The following PIAS3 variants were observed in gnomAD, a reference collection of about 807,000 sequenced individuals.
PIAS3 encodes the protein protein inhibitor of activated STAT 3, also known as E3 SUMO-protein ligase PIAS3.
Under a neutral mutation model 67.6 loss-of-function variants are expected in PIAS3, and 34 were observed. The ratio of observed to expected loss-of-function variants is 0.50; its 90% CI spans 0.38 to 0.67. The LOEUF is 0.67. Among genes scored for constraint, PIAS3 ranks in the 30% least tolerant of loss-of-function variants. PIAS3 has a pLI of 0.00. For missense variants in PIAS3, 693 were observed against 791.6 expected (o/e 0.88, Z 1.49); for synonymous variants, 341 against 313.8 (o/e 1.09, Z -0.92).
intron 3 of PIAS3, 23 bp downstream of exon 3, chr1:145,856,324 C>T: frequency 6.3e-7 from 1 of 1,592,188 alleles, no homozygotes; most frequent in African/African-American, 1.3e-5. Context: ...AGGGATGAGG[C>T]AGGAAGACTG....
chr1:145,851,959 CAAAAAAAAA>C (rs782076715), intron 9 of PIAS3, among the ~76,000 whole-genome samples: 13 of 58,744 alleles, frequency 2.2e-4, no homozygotes, highest in African/African-American at 6.9e-4. Flanking sequence ...AACACCGTCT[CAAAAAAAAA>C]AAAAAAAAAA....
At chr1:145,854,344 G>T (rs977924515) in intron 7 of PIAS3, 114 bp downstream of exon 7, 3 of 732,526 alleles carry the variant, frequency 4.1e-6, no homozygotes, top group Non-Finnish European at 7.2e-6. Flanking sequence ...TGGGGTTCAT[G>T]TGAGAAGGGG....
At position 145,857,037 on chromosome 1, in the gene PIAS3, C is replaced by G; in HGVS notation, c.25-31G>C. 1.9e-6 allele frequency: 3 copies of G among 1,603,822 alleles called. No individual in the cohort carries two copies. In the South Asian group the frequency reaches 3.3e-5, roughly 18 times the overall value. ...GAGAAAAACAGAGAAGCTTGAGCATCCTCCCTTGCACAGGCCTGCCCTGCC... is the reference window on the plus strand; with the variant it reads ...GAGAAAAACAGAGAAGCTTGAGCATGCTCCCTTGCACAGGCCTGCCCTGCC... On this transcript the variant is annotated intron_variant, in intron 1 of 13. Transcript: ENST00000393045.
chr1:145,856,244 CAAGT>C (rs1174410614), intron 3 of PIAS3, 99 bp downstream of exon 3: 1 of 1,248,544 alleles, frequency 8.0e-7, no homozygotes, highest in African/African-American at 1.5e-5. Context: ...GAACAAGAGA[CAAGT>C]AGGTATAGGA....
chr1:145,849,779 T>G, intron 13 of PIAS3, 67 bp from the exon 14 acceptor site: 3 of 1,511,958 alleles, frequency 2.0e-6, no homozygotes, highest in Non-Finnish European at 2.7e-6. Context: ...GTCACTCATC[T>G]CAGAAATGCC....
Position 145,856,441 on chromosome 1 carries a change from C to T in PIAS3, c.443-10G>A. 6.2e-7 allele frequency: 1 copy of T among 1,613,714 alleles called. No individual in the cohort carries two copies. The highest frequency in any genetic ancestry group is 1.1e-5 in the South Asian group (1 of 91,072). On this transcript the variant is annotated splice_polypyrimidine_tract_variant and intron_variant, in intron 2 of 13. Coordinates refer to ENST00000393045, the MANE Select transcript of PIAS3 (RefSeq NM_006099.3). ...TGGCTAGAAGTGGATGCTGAGGATA[C>T]AAAGGGGCAGTTATTCCAAGCCCAT...
At position 145,849,301 on chromosome 1, in the gene PIAS3, G is replaced by T; in HGVS notation, c.*145C>A. Reference sequence around the variant, plus strand: ...CTTTGGGTGCTGGCCTTGTCAGGCAGAGATGAGGCCAAAAGTAGGCATCTG... The same window carrying T: ...CTTTGGGTGCTGGCCTTGTCAGGCATAGATGAGGCCAAAAGTAGGCATCTG... On this transcript the variant is annotated 3_prime_UTR_variant, in exon 14 of 14. Coordinates refer to ENST00000393045, the MANE Select transcript of PIAS3 (RefSeq NM_006099.3). 1.4e-6 allele frequency: 1 copy of T among 727,464 alleles called. No individual in the cohort carries two copies. 45.1% of individuals were successfully genotyped at this position (727,464 alleles called of 1,614,324 possible). A position where few individuals can be genotyped will look rare whatever the true frequency, so the allele number is the denominator to read the frequency against.
chr1:145,857,015 A>G lies in PIAS3; in HGVS notation c.25-9T>C. ...AAACTCATCACCATGTGCTGTGGAG[A>G]AAAACAGAGAAGCTTGAGCATCCTC... On this transcript the variant is annotated splice_polypyrimidine_tract_variant and intron_variant, in intron 1 of 13. Coordinates refer to ENST00000393045, the MANE Select transcript of PIAS3 (RefSeq NM_006099.3). 1 of 1,611,714 alleles carries G rather than the reference A, an allele frequency of 6.2e-7. No homozygotes were observed. Among genetic ancestry groups the G allele is most frequent in the South Asian group, 1.1e-5 (1 of 91,032 alleles).
At position 145,855,727 on chromosome 1, in the gene PIAS3, A is replaced by G. The variant is rs782449007; in HGVS notation, c.669+9T>C. The G allele has an allele frequency of 8.2e-6, 12 of 1,469,246 alleles. No individual in the cohort carries two copies. The South Asian group carries it at 1.3e-4, about 16-fold the overall frequency. 91.0% of individuals were successfully genotyped at this position (1,469,246 alleles called of 1,614,324 possible). A position where few individuals can be genotyped will look rare whatever the true frequency, so the allele number is the denominator to read the frequency against. On this transcript the variant is annotated intron_variant, in intron 5 of 13. Transcript: ENST00000393045. ...GGGATTACTGACAGAAGAAGGGGAGAGCATTTACCGGCAGGGGGCACAGTT... is the reference window on the plus strand; with the variant it reads ...GGGATTACTGACAGAAGAAGGGGAGGGCATTTACCGGCAGGGGGCACAGTT...
chr1:145,849,505 G>A lies in PIAS3; in HGVS notation c.1828C>T (p.Pro610Ser). Reference protein sequence around the residue: ...GGALREGHGGPLPSGPSLTGC... With the variant: ...GGALREGHGGSLPSGPSLTGC... ...GTCAAAGAGGGACCTGAGGGCAGGG[G>A]TCCTCCATGCCCCTCCCTCAAGGCC... Residue 610 changes from proline to serine, a missense_variant, in exon 14 of 14, where the codon CCC becomes TCC. Around this residue, in one of 3 missense-constraint regions of PIAS3, gnomAD observed 270 missense variants for 261.0 expected, o/e 1.03. Transcript: ENST00000393045. The A allele has an allele frequency of 6.5e-7, 1 of 1,549,800 alleles. No individual in the cohort carries two copies. The highest frequency in any genetic ancestry group is 8.7e-7 in the Non-Finnish European group (1 of 1,151,836).
intron 1 of PIAS3, chr1:145,857,287 G>A (rs1653230280): frequency 8.3e-6 from 4 of 480,574 alleles, no homozygotes; most frequent in Non-Finnish European, 1.1e-5. Context: ...GCAGGGAATG[G>A]CAGACAGCAA....
rs373372708 is a variant in PIAS3, at chr1:145,854,759, G to C, written c.791C>G (p.Ser264Cys). Residue 264 changes from serine (S) to cysteine (C), a missense_variant, in exon 6 of 14, where the codon TCT becomes TGT. Transcript: ENST00000393045. ...VPNTIVVNWS[S>C]EFGRNYSLSV... Reference sequence around the variant, plus strand: ...AGCTGTGCTCACCCGTCCGAACTCAGATGACCAATTGACCACAATGGTGTT... The same window carrying C: ...AGCTGTGCTCACCCGTCCGAACTCACATGACCAATTGACCACAATGGTGTT... 37 of 1,614,072 alleles carry C rather than the reference G, an allele frequency of 2.3e-5. No homozygotes were observed. The highest frequency in any genetic ancestry group is 3.0e-5 in the Non-Finnish European group (35 of 1,180,042).
intron 13 of PIAS3, 179 bp downstream of exon 13, chr1:145,850,053 A>T: frequency 6.9e-7 from 1 of 1,456,866 alleles, no homozygotes; most frequent in African/African-American, 1.4e-5. Flanking sequence ...AAGGAGGCCT[A>T]AGTAGGAATC....
intron 13 of PIAS3, 124 bp downstream of exon 13, chr1:145,850,108 C>A (rs1287089042): frequency 6.5e-7 from 1 of 1,548,554 alleles, no homozygotes; most frequent in Non-Finnish European, 8.7e-7. Flanking sequence ...GATACCTACA[C>A]CCCACTGCCC....
At position 145,856,133 on chromosome 1, in the gene PIAS3, G is replaced by C. The variant is rs782289398; in HGVS notation, c.528-15C>G. The C allele has an allele frequency of 5.0e-6, 8 of 1,607,926 alleles. No individual in the cohort carries two copies. Among genetic ancestry groups the C allele is most frequent in the African/African-American group, 2.7e-5 (2 of 74,784 alleles). ...GCAGAACCTCTCTGTAACAGGGAGGGAGATGAAGAGATGTCAGCATGTAGC... is the reference window on the plus strand; with the variant it reads ...GCAGAACCTCTCTGTAACAGGGAGGCAGATGAAGAGATGTCAGCATGTAGC... On this transcript the variant is annotated splice_polypyrimidine_tract_variant and intron_variant, in intron 3 of 13. Transcript: ENST00000393045.
At position 145,855,833 on chromosome 1, in the gene PIAS3, A is replaced by C; in HGVS notation, c.579-7T>G. 1.3e-6 allele frequency: 2 copies of C among 1,541,020 alleles called. No individual in the cohort carries two copies. Among genetic ancestry groups the C allele is most frequent in the Non-Finnish European group, 1.8e-6 (2 of 1,113,194 alleles). ...GGTCTCACAGAGACAGAACCTGGTA[A>C]GAGATGAGAAAGGAAGAAAGAGTGG... On this transcript the variant is annotated splice_polypyrimidine_tract_variant and splice_region_variant and intron_variant, in intron 4 of 13. Transcript: ENST00000393045.
In PIAS3 at chr1:145,854,448, T is replaced by C; in HGVS notation, c.910+10A>G. On this transcript the variant is annotated intron_variant, in intron 7 of 13. Coordinates refer to ENST00000393045, the MANE Select transcript of PIAS3 (RefSeq NM_006099.3). ...GATCAGGTGGGGAAGAGAGGAAAGATGTTACTCACTCAGTGCCCGCGAGTG... is the reference window on the plus strand; with the variant it reads ...GATCAGGTGGGGAAGAGAGGAAAGACGTTACTCACTCAGTGCCCGCGAGTG... 1 of 1,574,854 alleles carries C rather than the reference T, an allele frequency of 6.3e-7. No homozygotes were observed. Among genetic ancestry groups the C allele is most frequent in the South Asian group, 1.1e-5 (1 of 90,298 alleles).
At chr1:145,855,672 G>A in intron 5 of PIAS3, 64 bp downstream of exon 5, 1 of 872,622 alleles carries the variant, frequency 1.1e-6, no homozygotes, top group Non-Finnish European at 1.9e-6. Flanking sequence ...GAATAGGTTT[G>A]TAGTTAATAT....
chr1:145,849,586 T>C lies in PIAS3; in HGVS notation c.1747A>G (p.Ser583Gly), dbSNP rs1652871577. The C allele has an allele frequency of 6.2e-7, 1 of 1,612,794 alleles. No individual in the cohort carries two copies. Among genetic ancestry groups the C allele is most frequent in the Non-Finnish European group, 8.5e-7 (1 of 1,179,456 alleles). ...CCAGGAGGGGGCGCCGGAGTGGCGC[T>C]GCAGTGGGAGCTCCCCAGCGTGGGG... is the stretch of plus-strand genomic sequence containing the variant. The part of the protein sequence containing the change: ...LAPTLGSSHC[S>G]ATPAPPPGRV... The change falls in exon 14 of 14, where the codon AGC becomes GGC. Residue 583 changes from serine (S) to glycine (G), a missense_variant. Around this residue, in one of 3 missense-constraint regions of PIAS3, gnomAD observed 270 missense variants for 261.0 expected, o/e 1.03. Coordinates refer to ENST00000393045, the MANE Select transcript of PIAS3 (RefSeq NM_006099.3).
Sources: gnomAD v4.1 joint callset for allele counts (sites outside exome capture counted in the v4.1 genomes callset) on GRCh38, gnomAD v4.1.1 for gene constraint, gnomAD v4.1.1 regional missense constraint, MANE v1.5 for transcripts, NCBI Gene and HGNC (gene_info 2026-07-23, HGNC 2026-07-21) for gene names.